The following PDE8A variants were observed in gnomAD, a reference collection of about 807,000 sequenced individuals.
PDE8A encodes phosphodiesterase 8A.
A neutral mutation model predicts 105.0 loss-of-function variants in PDE8A; 59 were observed. The ratio of observed to expected loss-of-function variants is 0.56; its 90% CI spans 0.46 to 0.70. The LOEUF (loss-of-function observed/expected upper bound fraction) is 0.70. Among genes scored for constraint, PDE8A ranks in the 30% least tolerant of loss-of-function variants. The pLI is 0.00. For missense variants in PDE8A, 1,014 were observed against 1,045.9 expected (o/e 0.97, Z 0.42); for synonymous variants, 355 against 371.9 (o/e 0.95, Z 0.52).
At chr15:85,010,189 A>T (rs1029269789) in intron 1 of PDE8A, among the ~76,000 whole-genome samples, 1 of 152,156 alleles carries the variant, frequency 6.6e-6, no homozygotes, top group Non-Finnish European at 1.5e-5. Context: ...TGGTAATTAT[A>T]TGGGTGAGTT....
intron 1 of PDE8A, among the ~76,000 whole-genome samples, chr15:84,996,477 G>A (rs2079978116): frequency 1.3e-5 from 2 of 152,062 alleles, no homozygotes; most frequent in African/African-American, 4.8e-5. Context: ...ACCGTGCTTG[G>A]CAGGTATTTG....
At chr15:85,086,860 C>T (rs1358351568) in intron 6 of PDE8A, among the ~76,000 whole-genome samples, 1 of 151,996 alleles carries the variant, frequency 6.6e-6, no homozygotes, top group Non-Finnish European at 1.5e-5. Context: ...AAGCGATTCT[C>T]CTGCCTCAGC....
At chr15:85,066,154 G>A (rs1395572125) in intron 2 of PDE8A, among the ~76,000 whole-genome samples, 1 of 152,122 alleles carries the variant, frequency 6.6e-6, no homozygotes, top group Non-Finnish European at 1.5e-5. Context: ...AACTTACCCA[G>A]TTAACTTTCT....
intron 1 of PDE8A, among the ~76,000 whole-genome samples, chr15:85,015,929 A>T (rs566650435): frequency 6.6e-6 from 1 of 152,230 alleles, no homozygotes; most frequent in Non-Finnish European, 1.5e-5. Context: ...CGAGGCCAGG[A>T]ATTGGAGACC....
At position 85,036,118 on chromosome 15, in the gene PDE8A, A is replaced by C. The variant is rs535646714; in HGVS notation, c.187-28252A>C. 2.6e-5 allele frequency among the ~76,000 whole-genome samples: 4 copies of C among 152,324 alleles called. No homozygotes were observed. In the South Asian group the frequency reaches 8.3e-4, roughly 32 times the overall value. ...TATCACCCTTGGCAATTTGATAGAA[A>C]ATGGGAAGACTTAACTGCCTTCCTC... is the stretch of plus-strand genomic sequence containing the variant. On this transcript the variant is annotated intron_variant, in intron 1 of 21. Coordinates refer to ENST00000394553, the MANE Select transcript of PDE8A (RefSeq NM_002605.3).
intron 3 of PDE8A, among the ~76,000 whole-genome samples, chr15:85,069,640 T>G (rs1467047085): frequency 1.3e-5 from 2 of 152,064 alleles, no homozygotes; most frequent in Non-Finnish European, 2.9e-5. Context: ...TAAGCATGGC[T>G]CCAGAACCGA....
At chr15:85,067,270 T>C in intron 3 of PDE8A, 66 bp downstream of exon 3, 1 of 1,107,590 alleles carries the variant, frequency 9.0e-7, no homozygotes, top group East Asian at 2.5e-5. Context: ...AGCCTAGAAA[T>C]AGATTAAATT....
intron 1 of PDE8A, among the ~76,000 whole-genome samples, chr15:85,023,955 C>G (rs2080470272): frequency 6.6e-6 from 1 of 152,118 alleles, no homozygotes; most frequent in Non-Finnish European, 1.5e-5. Flanking sequence ...TTTGGTGGAA[C>G]TGGCTGTCCA....
At chr15:85,028,707 C>T (rs1268768250) in intron 1 of PDE8A, among the ~76,000 whole-genome samples, 1 of 152,014 alleles carries the variant, frequency 6.6e-6, no homozygotes, top group African/African-American at 2.4e-5. Context: ...CTCTGAAAAT[C>T]TTGCCTGTTT....
At chr15:84,982,394 G>T in intron 1 of PDE8A, 46 bp downstream of exon 1, 6 of 1,243,802 alleles carry the variant, frequency 4.8e-6, no homozygotes, top group South Asian at 2.5e-5. Flanking sequence ...ACTCGGGCCC[G>T]GCCAGTAAGC....
At chr15:84,984,894 G>A (rs1364642651) in intron 1 of PDE8A, among the ~76,000 whole-genome samples, 2 of 151,740 alleles carry the variant, frequency 1.3e-5, no homozygotes, top group Non-Finnish European at 2.9e-5. Context: ...TGCTGAACTG[G>A]TAAATATAAT....
At chr15:85,025,016 T>C (rs1317183546) in intron 1 of PDE8A, among the ~76,000 whole-genome samples, 1 of 152,248 alleles carries the variant, frequency 6.6e-6, no homozygotes, top group Admixed American at 6.5e-5. Flanking sequence ...TCTGGTGTTT[T>C]TCCATTATGG....
chr15:85,002,946 A>G (rs2080089233), intron 1 of PDE8A, among the ~76,000 whole-genome samples: 1 of 152,310 alleles, frequency 6.6e-6, no homozygotes, highest in African/African-American at 2.4e-5. Flanking sequence ...GAAGACCAAA[A>G]TATGTATTTC....
intron 2 of PDE8A, 60 bp downstream of exon 2, chr15:85,064,486 G>A: frequency 1.8e-6 from 2 of 1,111,422 alleles, no homozygotes; most frequent in Non-Finnish European, 2.7e-6. Flanking sequence ...GGGTGGAGGT[G>A]GAGCTAAATT....
Position 85,054,246 on chromosome 15 carries a change from C to T in PDE8A, c.187-10124C>T, listed in dbSNP as rs928232554. Among the ~76,000 whole-genome samples the T allele has an allele frequency of 6.0e-5, 9 of 151,184 alleles. No individual in the cohort carries two copies. In the South Asian group the frequency reaches 1.0e-3, roughly 18 times the overall value. On this transcript the variant is annotated intron_variant, in intron 1 of 21. Transcript: ENST00000394553. ...AGTATTTTATTCAGGATTTTTGCAT[C>T]GATGTTCATCAGGGATATTGGTCTA...
At chr15:85,070,291 CT>C (rs1489462675) in intron 3 of PDE8A, among the ~76,000 whole-genome samples, 1 of 152,192 alleles carries the variant, frequency 6.6e-6, no homozygotes, top group African/African-American at 2.4e-5. Context: ...TATTCTATGT[CT>C]ATTATATTTC....
intron 15 of PDE8A, 161 bp from the exon 16 acceptor site, chr15:85,115,823 G>C (rs2082087271): frequency 1.6e-6 from 1 of 634,834 alleles, no homozygotes; most frequent in Admixed American, 2.7e-5. Context: ...AGGAGGCTGA[G>C]GCAGGAGAAT....
chr15:85,122,981 G>A (rs1054854374), intron 18 of PDE8A, 80 bp from the exon 19 acceptor site: 21 of 1,428,150 alleles, frequency 1.5e-5, no homozygotes, highest in Non-Finnish European at 2.1e-5. Flanking sequence ...CACATACCTG[G>A]ATAACAGATT....
At chr15:85,049,828 A>T (rs1174444120) in intron 1 of PDE8A, among the ~76,000 whole-genome samples, 1 of 152,226 alleles carries the variant, frequency 6.6e-6, no homozygotes, top group African/African-American at 2.4e-5. Context: ...ACTGCTTTTT[A>T]TTCTTTTGAA....
Sources: gnomAD v4.1 joint callset for allele counts (sites outside exome capture counted in the v4.1 genomes callset) on GRCh38, gnomAD v4.1.1 for gene constraint, MANE v1.5 for transcripts, NCBI Gene and HGNC (gene_info 2026-07-23, HGNC 2026-07-21) for gene names.